CACNA2D3: variants seen among roughly 807,000 people sequenced by gnomAD.
CACNA2D3 encodes voltage-dependent calcium channel subunit alpha-2/delta-3.
In CACNA2D3, 60 loss-of-function variants were observed where a neutral mutation model predicts 160.6. The ratio of observed to expected loss-of-function variants is 0.37; its 90% CI spans 0.30 to 0.46. The LOEUF (loss-of-function observed/expected upper bound fraction) is 0.46. CACNA2D3 is among the 20% of genes least tolerant of loss of function. The pLI, the probability that CACNA2D3 is intolerant of heterozygous loss-of-function variation, is 1.00. For missense variants in CACNA2D3, 1,205 were observed against 1,365.0 expected (o/e 0.88, Z 1.85); for synonymous variants, 558 against 492.9 (o/e 1.13, Z -1.75).
At chr3:55,001,034 C>T (rs1702970594) in intron 31 of CACNA2D3, among the ~76,000 whole-genome samples, 1 of 152,106 alleles carries the variant, frequency 6.6e-6, no homozygotes, top group Non-Finnish European at 1.5e-5. Context: ...GTTTTCCCCT[C>T]TGTAAAATGG....
intron 4 of CACNA2D3, among the ~76,000 whole-genome samples, chr3:54,481,753 T>C (rs933340955): frequency 6.6e-6 from 1 of 152,216 alleles, no homozygotes; most frequent in African/African-American, 2.4e-5. Context: ...TTTGAATTAA[T>C]GTGGAGCTTT....
rs77070258 is a variant in CACNA2D3 at position 54,217,358 on chromosome 3, C to T, written c.204+93764C>T. Among the ~76,000 whole-genome samples the T allele has an allele frequency of 5.6e-3, 855 of 152,250 alleles. 30 individuals carry two copies. The East Asian group carries it at 0.11, about 19-fold the overall frequency. On this transcript the variant is annotated intron_variant, in intron 2 of 37. Transcript: ENST00000474759. ...TGTCTGAGCTGCCTCCCACCCTGCC[C>T]TGGGCTAGGGAGTTGATGGACACCA...
At chr3:54,687,300 C>G (rs1374605924) in intron 11 of CACNA2D3, among the ~76,000 whole-genome samples, 2 of 138,274 alleles carry the variant, frequency 1.4e-5, no homozygotes, top group East Asian at 2.0e-4. Context: ...ACCACCAAGC[C>G]TGGCTAATTT....
In CACNA2D3 at chr3:54,897,628, C is replaced by G. The variant is rs546315375; in HGVS notation, c.2368+758C>G. Among the ~76,000 whole-genome samples, 433 of 152,246 alleles carry G rather than the reference C, an allele frequency of 2.8e-3. 2 individuals are homozygous for G. Among genetic ancestry groups the G allele is most frequent in the African/African-American group, 0.01 (416 of 41,530 alleles). On this transcript the variant is annotated intron_variant, in intron 26 of 37. Coordinates refer to ENST00000474759, the MANE Select transcript of CACNA2D3 (RefSeq NM_018398.3). ...CTTGGGTTGCTCTGGAAAGTTCAAT[C>G]TGTAGTTATATTTTACATATATCAG... is the stretch of plus-strand genomic sequence containing the variant.
In CACNA2D3 at chr3:54,262,254, A is replaced by G. The variant is rs139990289; in HGVS notation, c.205-58188A>G. On this transcript the variant is annotated intron_variant, in intron 2 of 37. Transcript: ENST00000474759. ...TATCACAAACTCAGGCTGTGGTAGG[A>G]CAGGGCAAGGAAAGCTATTTATTGT... is the stretch of plus-strand genomic sequence containing the variant. Among the ~76,000 whole-genome samples the G allele has an allele frequency of 5.9e-5, 9 of 152,170 alleles. No homozygotes were observed. The South Asian group carries it at 6.2e-4, about 11-fold the overall frequency.
At chr3:54,928,424 G>C (rs1309729901) in intron 27 of CACNA2D3, among the ~76,000 whole-genome samples, 1 of 152,210 alleles carries the variant, frequency 6.6e-6, no homozygotes, top group African/African-American at 2.4e-5. Flanking sequence ...GGGGGATGCT[G>C]GACGGGACCC....
intron 27 of CACNA2D3, among the ~76,000 whole-genome samples, chr3:54,929,258 G>A (rs925318347): frequency 6.6e-6 from 1 of 152,116 alleles, no homozygotes; most frequent in Non-Finnish European, 1.5e-5. Flanking sequence ...GATTAAATAT[G>A]GCAGTACACG....
At chr3:54,803,477 G>GAATGA (rs760915757) in intron 13 of CACNA2D3, among the ~76,000 whole-genome samples, 1 of 151,552 alleles carries the variant, frequency 6.6e-6, no homozygotes, top group Admixed American at 6.6e-5. Flanking sequence ...AAGATGAAAT[G>GAATGA]AATGAAGCGA....
chr3:54,403,444 A>G (rs564680944), intron 4 of CACNA2D3, among the ~76,000 whole-genome samples: 1 of 152,154 alleles, frequency 6.6e-6, no homozygotes, highest in East Asian at 1.9e-4. Flanking sequence ...GTGAAGACAT[A>G]ACATACCAAA....
intron 2 of CACNA2D3, among the ~76,000 whole-genome samples, chr3:54,196,680 G>T (rs755532848): frequency 1.3e-5 from 2 of 152,154 alleles, no homozygotes; most frequent in Non-Finnish European, 2.9e-5. Flanking sequence ...TTTAAATTGC[G>T]TTTTCTGTAA....
At chr3:54,402,463 CA>C (rs1008834208) in intron 4 of CACNA2D3, among the ~76,000 whole-genome samples, 2 of 150,762 alleles carry the variant, frequency 1.3e-5, no homozygotes, top group Admixed American at 6.6e-5. Flanking sequence ...AAATGGCAAC[CA>C]AAAAAAAGAG....
At chr3:54,622,704 A>G (rs1486781652) in intron 9 of CACNA2D3, among the ~76,000 whole-genome samples, 1 of 152,138 alleles carries the variant, frequency 6.6e-6, no homozygotes, top group African/African-American at 2.4e-5. Context: ...CACAACTGGG[A>G]GTAGAGAAAA....
chr3:54,659,177 A>G (rs1360581963), intron 11 of CACNA2D3, among the ~76,000 whole-genome samples: 1 of 152,184 alleles, frequency 6.6e-6, no homozygotes, highest in Admixed American at 6.5e-5. Context: ...GATAAATAAC[A>G]CAAGGAAGTA....
At chr3:54,853,368 T>C (rs1180614981) in intron 17 of CACNA2D3, among the ~76,000 whole-genome samples, 1 of 152,236 alleles carries the variant, frequency 6.6e-6, no homozygotes, top group Non-Finnish European at 1.5e-5. Flanking sequence ...ATGCTGATGG[T>C]TGGATATCTG....
At chr3:54,954,258 C>T (rs1701827057) in intron 27 of CACNA2D3, among the ~76,000 whole-genome samples, 1 of 152,222 alleles carries the variant, frequency 6.6e-6, no homozygotes, top group South Asian at 2.1e-4. Context: ...AGTCAGTCGG[C>T]AGCTCCCTGG....
At chr3:54,123,814 C>G (rs1699529267) in intron 2 of CACNA2D3, among the ~76,000 whole-genome samples, 2 of 152,162 alleles carry the variant, frequency 1.3e-5, no homozygotes, top group African/African-American at 4.8e-5. Context: ...GCAGGATACT[C>G]ACTCGCACTG....
intron 11 of CACNA2D3, among the ~76,000 whole-genome samples, chr3:54,708,654 T>C (rs1235375179): frequency 1.3e-5 from 2 of 152,212 alleles, no homozygotes; most frequent in East Asian, 3.8e-4. Flanking sequence ...TTAAATCTTT[T>C]AGAGGAGAAT....
At chr3:54,826,643 T>C (rs1703755860) in intron 14 of CACNA2D3, among the ~76,000 whole-genome samples, 1 of 152,148 alleles carries the variant, frequency 6.6e-6, no homozygotes, top group Non-Finnish European at 1.5e-5. Context: ...CTGTCCCTTC[T>C]TCCCAGACTC....
At chr3:54,535,474 A>G (rs1199145328) in intron 5 of CACNA2D3, among the ~76,000 whole-genome samples, 5 of 152,222 alleles carry the variant, frequency 3.3e-5, no homozygotes, top group African/African-American at 1.2e-4. Flanking sequence ...TTTTCATTAT[A>G]ACAATGTTCA....
Sources: allele counts gnomAD v4.1 joint callset (sites outside exome capture counted in the v4.1 genomes callset), GRCh38; gene constraint gnomAD v4.1.1; transcripts MANE v1.5; gene names NCBI Gene and HGNC (gene_info 2026-07-23, HGNC 2026-07-21).